Variants in MEGF11 observed in about 807,000 individuals in gnomAD.
The protein encoded by MEGF11 is multiple epidermal growth factor-like domains protein 11.
MEGF11 carries 126 observed loss-of-function variants against 146.6 expected under a neutral mutation model. The ratio of observed to expected loss-of-function variants is 0.86; its 90% CI spans 0.74 to 1.00. The LOEUF (loss-of-function observed/expected upper bound fraction) is 1.00. MEGF11 is among the 50% of genes least tolerant of loss of function. The pLI is 0.00. For missense variants in MEGF11, 1,509 were observed against 1,521.2 expected, an observed-to-expected ratio of 0.99 and a Z score of 0.13; for synonymous variants, 532 against 583.4, an observed-to-expected ratio of 0.91 and a Z score of 1.27.
intron 1 of MEGF11, among the ~76,000 whole-genome samples, chr15:66,177,241 G>C (rs948368587): frequency 1.3e-5 from 2 of 152,332 alleles, no homozygotes; most frequent in South Asian, 4.1e-4. Context: ...TGATAGCGTA[G>C]ATGCATGGCA....
At chr15:65,972,692 A>T (rs1317292683) in intron 7 of MEGF11, among the ~76,000 whole-genome samples, 1 of 152,260 alleles carries the variant, frequency 6.6e-6, no homozygotes, top group South Asian at 2.1e-4. Context: ...TCCAACTTAG[A>T]ATTCTACACC....
At chr15:66,175,157 A>C (rs12592711) in intron 1 of MEGF11, among the ~76,000 whole-genome samples, 7,265 of 152,246 alleles carry the variant, frequency 0.048, 258 homozygotes, top group Middle Eastern at 0.071. Context: ...TGACAATTTT[A>C]CTTCCTGTTT....
At chr15:66,211,738 T>C (rs2091460596) in intron 1 of MEGF11, among the ~76,000 whole-genome samples, 2 of 151,414 alleles carry the variant, frequency 1.3e-5, no homozygotes, top group South Asian at 4.2e-4. Flanking sequence ...AGTAAGACAC[T>C]CTCCTGACCC....
At chr15:66,113,025 G>A (rs537352171) in intron 4 of MEGF11, among the ~76,000 whole-genome samples, 124 of 152,318 alleles carry the variant, frequency 8.1e-4, no homozygotes, top group African/African-American at 2.8e-3. Context: ...CAAAGCAACA[G>A]CAATAATGAA....
At chr15:66,113,709 G>A (rs372952635) in intron 4 of MEGF11, among the ~76,000 whole-genome samples, 5 of 152,074 alleles carry the variant, frequency 3.3e-5, no homozygotes, top group African/African-American at 7.2e-5. Flanking sequence ...GTGAAACCCC[G>A]TCTCTACTAA....
intron 8 of MEGF11, among the ~76,000 whole-genome samples, chr15:65,966,096 A>T (rs2081086073): frequency 6.6e-6 from 1 of 152,138 alleles, no homozygotes; most frequent in Non-Finnish European, 1.5e-5. Context: ...CCCAGGTTCA[A>T]GCTATTCTCC....
intron 5 of MEGF11, among the ~76,000 whole-genome samples, chr15:66,017,508 C>T (rs1257231939): frequency 6.6e-6 from 1 of 152,222 alleles, no homozygotes; most frequent in African/African-American, 2.4e-5. Flanking sequence ...CATGTTCCCT[C>T]CCACAGCTGG....
chr15:65,944,573 C>A (rs187697994), intron 10 of MEGF11, among the ~76,000 whole-genome samples: 1 of 152,054 alleles, frequency 6.6e-6, no homozygotes, highest in Non-Finnish European at 1.5e-5. Context: ...TGGCCTTGAG[C>A]GACAGGCATG....
At chr15:66,230,728 G>A (rs145425738) in intron 1 of MEGF11, among the ~76,000 whole-genome samples, 34 of 152,334 alleles carry the variant, frequency 2.2e-4, no homozygotes, top group African/African-American at 8.2e-4. Context: ...TGATGCGGAC[G>A]TGGGAGTGCA....
At chr15:66,023,800 G>A (rs1160996785) in intron 5 of MEGF11, among the ~76,000 whole-genome samples, 1 of 152,222 alleles carries the variant, frequency 6.6e-6, no homozygotes, top group Admixed American at 6.5e-5. Flanking sequence ...CACTGTCAGA[G>A]AGTGCCAATC....
At chr15:66,233,471 A>C (rs2092014186) in intron 1 of MEGF11, among the ~76,000 whole-genome samples, 2 of 152,146 alleles carry the variant, frequency 1.3e-5, no homozygotes, top group Non-Finnish European at 2.9e-5. Flanking sequence ...CCTGACCTCA[A>C]GTGATCCGCC....
At chr15:65,970,926 G>T in intron 7 of MEGF11, 2 of 559,936 alleles carry the variant, frequency 3.6e-6, no homozygotes, top group East Asian at 6.0e-5. Context: ...ACGAGGTGCT[G>T]TGTGAGACAC....
intron 15 of MEGF11, among the ~76,000 whole-genome samples, chr15:65,919,434 A>G (rs2079104397): frequency 6.6e-6 from 1 of 152,258 alleles, no homozygotes; most frequent in South Asian, 2.1e-4. Context: ...GGTTTCCCAG[A>G]GCATACAAAA....
At chr15:66,152,532 G>A (rs926587918) in intron 1 of MEGF11, among the ~76,000 whole-genome samples, 5 of 152,186 alleles carry the variant, frequency 3.3e-5, no homozygotes, top group African/African-American at 1.2e-4. Context: ...TATCTGAAAG[G>A]CCTTGCCAGG....
chr15:66,076,547 C>T (rs1197257906), intron 5 of MEGF11, among the ~76,000 whole-genome samples: 1 of 152,180 alleles, frequency 6.6e-6, no homozygotes, highest in Non-Finnish European at 1.5e-5. Context: ...GCCTCTGTTG[C>T]TGTGGCACTA....
intron 1 of MEGF11, among the ~76,000 whole-genome samples, chr15:66,135,165 C>A (rs893090473): frequency 3.7e-4 from 57 of 152,152 alleles, no homozygotes; most frequent in African/African-American, 1.4e-3. Context: ...ACCCAATGAA[C>A]TATTAGTTTC....
At chr15:65,996,838 C>T (rs969496983) in intron 5 of MEGF11, among the ~76,000 whole-genome samples, 2 of 152,152 alleles carry the variant, frequency 1.3e-5, no homozygotes, top group Non-Finnish European at 2.9e-5. Context: ...ACTGGCATTC[C>T]CACTGGTCAG....
At position 66,125,005 on chromosome 15, in the gene MEGF11, C is replaced by T. The variant is rs145799476; in HGVS notation, c.99-1005G>A. On this transcript the variant is annotated intron_variant, in intron 2 of 25. Transcript: ENST00000395614. ...ATGGCCGGGTCCAGGCTGTAAAGCACGTCTGCCTTGCCTGAGGAAACTGCA... is the reference window on the plus strand; with the variant it reads ...ATGGCCGGGTCCAGGCTGTAAAGCATGTCTGCCTTGCCTGAGGAAACTGCA... Among the ~76,000 whole-genome samples the T allele has an allele frequency of 4.4e-3, 668 of 152,350 alleles. 3 individuals carry two copies. The highest frequency in any genetic ancestry group is 6.8e-3 in the Middle Eastern group (2 of 294).
chr15:66,157,897 A>G (rs2141063894), intron 1 of MEGF11, among the ~76,000 whole-genome samples: 1 of 152,280 alleles, frequency 6.6e-6, no homozygotes, highest in South Asian at 2.1e-4. Flanking sequence ...TTTTAAATGA[A>G]AGAGGGGTGT....
Sources: allele counts gnomAD v4.1 joint callset (sites outside exome capture counted in the v4.1 genomes callset), GRCh38; gene constraint gnomAD v4.1.1; transcripts MANE v1.5; gene names NCBI Gene and HGNC (gene_info 2026-07-23, HGNC 2026-07-21).